Variants in ERC2 observed in about 807,000 individuals in gnomAD.
ERC2 encodes ERC protein 2.
In ERC2, 42 loss-of-function variants were observed where a neutral mutation model predicts 114.8. The ratio of observed to expected loss-of-function variants is 0.37; its 90% CI spans 0.29 to 0.47. The LOEUF is 0.47. Among genes scored for constraint, ERC2 ranks in the 20% least tolerant of loss-of-function variants. The probability of loss-of-function intolerance (pLI) is 0.99; values close to 1 mark genes in which losing one functional copy is unlikely to be tolerated. For synonymous variants in ERC2, 454 were observed against 425.5 expected, an observed-to-expected ratio of 1.07 and a Z score of -0.82; for missense variants, 939 against 1,150.7, an observed-to-expected ratio of 0.82 and a Z score of 2.66.
chr3:56,151,759 G>T (rs528045700), intron 4 of ERC2, among the ~76,000 whole-genome samples: 2 of 152,124 alleles, frequency 1.3e-5, no homozygotes, highest in African/African-American at 4.8e-5. Context: ...GTCCTGATGT[G>T]GCTGAATGTG....
At chr3:56,237,903 T>C (rs1364885217) in intron 3 of ERC2, among the ~76,000 whole-genome samples, 1 of 151,782 alleles carries the variant, frequency 6.6e-6, no homozygotes, top group Admixed American at 6.6e-5. Context: ...TTTTTTTTTT[T>C]TTGCACTTTA....
At chr3:56,153,170 A>G (rs542133631) in intron 4 of ERC2, among the ~76,000 whole-genome samples, 1 of 152,262 alleles carries the variant, frequency 6.6e-6, no homozygotes, top group Admixed American at 6.5e-5. Flanking sequence ...TCATTAATTC[A>G]ACAAATACAT....
chr3:55,917,749 T>C (rs1274266834), intron 13 of ERC2, among the ~76,000 whole-genome samples: 1 of 152,176 alleles, frequency 6.6e-6, no homozygotes, highest in African/African-American at 2.4e-5. Context: ...CTGAAAATCA[T>C]TGAATGCTAC....
intron 1 of ERC2, among the ~76,000 whole-genome samples, chr3:56,438,455 T>C (rs2062130208): frequency 6.6e-6 from 1 of 152,220 alleles, no homozygotes; most frequent in South Asian, 2.1e-4. Flanking sequence ...TAAAACCTTC[T>C]TCTCTGGCAA....
chr3:55,738,336 A>G (rs1314124580), intron 14 of ERC2, among the ~76,000 whole-genome samples: 1 of 152,194 alleles, frequency 6.6e-6, no homozygotes, highest in African/African-American at 2.4e-5. Flanking sequence ...AGGTGACAGG[A>G]TGAATAAGAC....
At chr3:55,694,821 A>G (rs1321761924) in intron 16 of ERC2, among the ~76,000 whole-genome samples, 1 of 152,148 alleles carries the variant, frequency 6.6e-6, no homozygotes, top group East Asian at 1.9e-4. Flanking sequence ...CACCCAACCC[A>G]AGACCCGGGA....
At chr3:56,284,897 G>A (rs1005590216) in intron 3 of ERC2, among the ~76,000 whole-genome samples, 5 of 151,792 alleles carry the variant, frequency 3.3e-5, no homozygotes, top group Non-Finnish European at 7.4e-5. Context: ...AGAGAGAAGA[G>A]TGCAGTTGGG....
chr3:55,963,921 A>C (rs1345107693), intron 12 of ERC2, among the ~76,000 whole-genome samples: 1 of 152,224 alleles, frequency 6.6e-6, no homozygotes, highest in Non-Finnish European at 1.5e-5. Flanking sequence ...TCGTGTATGC[A>C]AGACCTACTT....
At chr3:55,773,301 C>T (rs559320547) in intron 14 of ERC2, among the ~76,000 whole-genome samples, 2 of 152,332 alleles carry the variant, frequency 1.3e-5, no homozygotes, top group Admixed American at 1.3e-4. Context: ...GAGCGCTCTT[C>T]CCTCTCGGAC....
intron 14 of ERC2, among the ~76,000 whole-genome samples, chr3:55,755,674 A>G (rs559389692): frequency 6.6e-6 from 1 of 152,296 alleles, no homozygotes; most frequent in East Asian, 1.9e-4. Context: ...CATGGGAGGC[A>G]TTTGTAACTA....
At chr3:55,919,371 C>T (rs189567585) in intron 13 of ERC2, among the ~76,000 whole-genome samples, 39 of 152,058 alleles carry the variant, frequency 2.6e-4, no homozygotes, top group African/African-American at 8.4e-4. Context: ...ATAGTAAGAC[C>T]GTCTCTAAAA....
At chr3:56,264,046 A>C (rs992604825) in intron 3 of ERC2, among the ~76,000 whole-genome samples, 7 of 152,204 alleles carry the variant, frequency 4.6e-5, no homozygotes, top group Non-Finnish European at 1.5e-5. Context: ...AATGAGGGCT[A>C]AAAACCATAT....
At chr3:56,311,739 T>C (rs1469704023) in intron 2 of ERC2, among the ~76,000 whole-genome samples, 2 of 152,134 alleles carry the variant, frequency 1.3e-5, no homozygotes, top group African/African-American at 4.8e-5. Flanking sequence ...ACCATGTATT[T>C]TTACCCGTTA....
chr3:55,706,635 C>T (rs2063505620), intron 15 of ERC2, among the ~76,000 whole-genome samples: 1 of 152,042 alleles, frequency 6.6e-6, no homozygotes, highest in Non-Finnish European at 1.5e-5. Context: ...TGGTCTTGAA[C>T]TCCTGACCTC....
intron 3 of ERC2, among the ~76,000 whole-genome samples, chr3:56,183,424 C>A (rs1239829571): frequency 6.6e-6 from 1 of 152,116 alleles, no homozygotes; most frequent in African/African-American, 2.4e-5. Context: ...GCTATTTCAT[C>A]GCGTAGAGAG....
At chr3:56,197,375 C>A (rs1272691478) in intron 3 of ERC2, among the ~76,000 whole-genome samples, 1 of 152,202 alleles carries the variant, frequency 6.6e-6, no homozygotes, top group Non-Finnish European at 1.5e-5. Context: ...AATACGCCTA[C>A]CATAGCAAAC....
intron 14 of ERC2, among the ~76,000 whole-genome samples, chr3:55,787,825 C>T (rs1184395045): frequency 1.3e-5 from 2 of 152,128 alleles, no homozygotes; most frequent in Admixed American, 6.5e-5. Flanking sequence ...TATCTCAAGC[C>T]CAAAGAAGTG....
intron 14 of ERC2, among the ~76,000 whole-genome samples, chr3:55,772,569 G>T (rs2068303628): frequency 6.6e-6 from 1 of 152,208 alleles, no homozygotes; most frequent in Non-Finnish European, 1.5e-5. Context: ...GCCTGCCTCG[G>T]CCTTCCAAAG....
chr3:55,960,948 A>T (rs1340009843), intron 12 of ERC2, among the ~76,000 whole-genome samples: 1 of 152,238 alleles, frequency 6.6e-6, no homozygotes, highest in Admixed American at 6.5e-5. Context: ...AAGCCTGGCC[A>T]ACATGGCAAA....
Sources: allele counts gnomAD v4.1 joint callset (sites outside exome capture counted in the v4.1 genomes callset), GRCh38; gene constraint gnomAD v4.1.1; transcripts MANE v1.5; gene names NCBI Gene and HGNC (gene_info 2026-07-23, HGNC 2026-07-21).